Variants in PTPRN2 observed in about 807,000 individuals in gnomAD.
PTPRN2 encodes receptor-type tyrosine-protein phosphatase N2.
In PTPRN2, 74 loss-of-function variants were observed where a neutral mutation model predicts 118.8. That is an observed-to-expected ratio of 0.62 (90% CI 0.52 to 0.76). The LOEUF (loss-of-function observed/expected upper bound fraction) is 0.76. Among genes scored for constraint, PTPRN2 ranks in the 30% least tolerant of loss-of-function variants. The pLI, the probability that PTPRN2 is intolerant of heterozygous loss-of-function variation, is 0.00. For missense variants in PTPRN2, 1,481 were observed against 1,394.4 expected (o/e 1.06, Z -0.99); for synonymous variants, 641 against 608.0 (o/e 1.05, Z -0.80).
intron 2 of PTPRN2, among the ~76,000 whole-genome samples, chr7:158,369,278 C>T (rs1249678981): frequency 1.6e-5 from 1 of 61,674 alleles, no homozygotes; most frequent in Admixed American, 1.7e-4. Context: ...TACACACACA[C>T]ACACACACAC....
intron 11 of PTPRN2, among the ~76,000 whole-genome samples, chr7:158,056,973 C>T (rs960762896): frequency 2.6e-5 from 4 of 152,166 alleles, no homozygotes; most frequent in African/African-American, 9.7e-5. Flanking sequence ...TCAGCCACCT[C>T]GGATGTGTCC....
intron 11 of PTPRN2, among the ~76,000 whole-genome samples, chr7:157,970,077 A>AG (rs1353202146): frequency 4.6e-5 from 7 of 151,890 alleles, no homozygotes; most frequent in African/African-American, 1.7e-4. Context: ...GCAGAGGCTC[A>AG]GTTCCAGGAA....
At chr7:158,307,048 G>GT (rs1801359741) in intron 3 of PTPRN2, among the ~76,000 whole-genome samples, 2 of 151,874 alleles carry the variant, frequency 1.3e-5, no homozygotes, top group Admixed American at 1.3e-4. Flanking sequence ...TGTATTTTTA[G>GT]TAGAGACGGG....
chr7:158,448,343 G>C (rs751279517), intron 2 of PTPRN2, among the ~76,000 whole-genome samples: 1 of 152,202 alleles, frequency 6.6e-6, no homozygotes, highest in African/African-American at 2.4e-5. Context: ...TTCTTAATTA[G>C]AGAAAATAGT....
intron 2 of PTPRN2, among the ~76,000 whole-genome samples, chr7:158,486,093 C>T (rs1222141568): frequency 6.6e-6 from 1 of 152,362 alleles, no homozygotes; most frequent in South Asian, 2.1e-4. Context: ...CAGAGAGCAG[C>T]TTTGTGCTTC....
intron 1 of PTPRN2, among the ~76,000 whole-genome samples, chr7:158,551,044 G>GA (rs1826621826): frequency 6.6e-6 from 1 of 152,246 alleles, no homozygotes; most frequent in Non-Finnish European, 1.5e-5. Flanking sequence ...GGCCCTTGGA[G>GA]AAGGAGGGAG....
At chr7:157,790,490 C>A (rs1804418414) in intron 12 of PTPRN2, among the ~76,000 whole-genome samples, 3 of 151,954 alleles carry the variant, frequency 2.0e-5, no homozygotes, top group Non-Finnish European at 4.4e-5. Flanking sequence ...ACCAGTAGTA[C>A]AAAACAGATG....
intron 3 of PTPRN2, among the ~76,000 whole-genome samples, chr7:158,273,187 T>C (rs571344312): frequency 2.5e-3 from 376 of 152,238 alleles, no homozygotes; most frequent in African/African-American, 8.3e-3. Context: ...GGAACCCTCC[T>C]AGGACAGGGC....
At chr7:158,280,414 G>A (rs1188964089) in intron 3 of PTPRN2, among the ~76,000 whole-genome samples, 1 of 152,236 alleles carries the variant, frequency 6.6e-6, no homozygotes, top group East Asian at 1.9e-4. Context: ...GACGAGGGCA[G>A]GAGCCGCGGC....
intron 6 of PTPRN2, among the ~76,000 whole-genome samples, chr7:158,159,797 A>G (rs886618286): frequency 2.6e-5 from 4 of 152,364 alleles, no homozygotes; most frequent in Admixed American, 6.5e-5. Flanking sequence ...AAAAAAAACT[A>G]CAGCACTGAT....
chr7:158,018,318 C>T lies in PTPRN2; in HGVS notation c.1723+62980G>A, dbSNP rs956776851. ...GTCTGCAGAAGGAAAAGGCTCTTGC[C>T]TGTATGATGTTTCTAACACACGGCT... is the stretch of plus-strand genomic sequence containing the variant. On this transcript the variant is annotated intron_variant, in intron 11 of 22. Coordinates refer to ENST00000389418, the MANE Select transcript of PTPRN2 (RefSeq NM_002847.5). 3.3e-5 allele frequency among the ~76,000 whole-genome samples: 5 copies of T among 152,342 alleles called. 1 individual carries two copies. In the Middle Eastern group the frequency reaches 0.01, roughly 311 times the overall value.
intron 12 of PTPRN2, among the ~76,000 whole-genome samples, chr7:157,758,087 C>A (rs1385160309): frequency 6.6e-6 from 1 of 152,260 alleles, no homozygotes; most frequent in Admixed American, 6.5e-5. Flanking sequence ...GCGCAGGGGA[C>A]GCGCGGGATT....
At chr7:158,501,125 T>C (rs1822327618) in intron 1 of PTPRN2, among the ~76,000 whole-genome samples, 1 of 152,266 alleles carries the variant, frequency 6.6e-6, no homozygotes, top group South Asian at 2.1e-4. Context: ...TTTCATTATG[T>C]TAAAGCTTTT....
rs184429005 is a variant in PTPRN2 at position 158,555,433 on chromosome 7, G to A, written c.112+32125C>T. On this transcript the variant is annotated intron_variant, in intron 1 of 22. Transcript: ENST00000389418. The surrounding 1 kb of genome is among the most constrained non-coding windows in gnomAD (Gnocchi z 4.7). ...CCCACCGCTCTGCCCTGCCTTCCTC[G>A]CTGAAACCTCCCAACACTGACGTCA... Among the ~76,000 whole-genome samples the A allele has an allele frequency of 3.4e-4, 52 of 152,210 alleles. 1 individual carries two copies. The East Asian group carries it at 9.7e-3, about 28-fold the overall frequency.
At chr7:157,933,989 G>A (rs117773753) in intron 11 of PTPRN2, among the ~76,000 whole-genome samples, 2,937 of 152,270 alleles carry the variant, frequency 0.019, 56 homozygotes, top group Non-Finnish European at 0.033. Context: ...TTAAAGTAGG[G>A]GTGAGTCACT....
intron 2 of PTPRN2, among the ~76,000 whole-genome samples, chr7:158,329,169 G>A (rs1803915591): frequency 6.6e-6 from 1 of 152,224 alleles, no homozygotes; most frequent in Admixed American, 6.5e-5. Flanking sequence ...GCAGTACTGA[G>A]GAGCCCAGCA....
intron 2 of PTPRN2, among the ~76,000 whole-genome samples, chr7:158,482,808 G>A (rs1165927629): frequency 1.3e-5 from 2 of 152,096 alleles, no homozygotes; most frequent in African/African-American, 4.8e-5. Context: ...GCACACTTTT[G>A]GGAATTGATA....
At position 158,438,770 on chromosome 7, in the gene PTPRN2, C is replaced by G. The variant is rs914372772; in HGVS notation, c.163+50965G>C. Among the ~76,000 whole-genome samples the G allele has an allele frequency of 2.0e-5, 3 of 152,196 alleles. No homozygotes were observed. The highest frequency in any genetic ancestry group is 6.5e-5 in the Admixed American group (1 of 15,280). On this transcript the variant is annotated intron_variant, in intron 2 of 22. Coordinates refer to ENST00000389418, the MANE Select transcript of PTPRN2 (RefSeq NM_002847.5). This position sits in a 1 kb window ranked among gnomAD's most constrained non-coding sequence, Gnocchi z 4.7. ...TGATAGTGACTTCCTCAAAGACACTCTGACCAGGGGTCAGCAAACCAGAGC... is the reference window on the plus strand; with the variant it reads ...TGATAGTGACTTCCTCAAAGACACTGTGACCAGGGGTCAGCAAACCAGAGC...
At chr7:157,634,031 G>A (rs1804137186) in intron 14 of PTPRN2, among the ~76,000 whole-genome samples, 1 of 152,164 alleles carries the variant, frequency 6.6e-6, no homozygotes, top group Non-Finnish European at 1.5e-5. Flanking sequence ...GTGGGGAACA[G>A]CAGTGGAGGC....
Sources: gnomAD v4.1 joint callset for allele counts (sites outside exome capture counted in the v4.1 genomes callset) on GRCh38, gnomAD v4.1.1 for gene constraint, Gnocchi (gnomAD v3.1) non-coding constraint, MANE v1.5 for transcripts, NCBI Gene and HGNC (gene_info 2026-07-23, HGNC 2026-07-21) for gene names.